SYNPR: variants seen among roughly 807,000 people sequenced by gnomAD.
SYNPR encodes the protein synaptoporin.
In SYNPR, 23 loss-of-function variants were observed where a neutral mutation model predicts 32.9. The ratio of observed to expected loss-of-function variants is 0.70; its 90% confidence interval spans 0.50 to 0.99. The LOEUF is 0.99. Ranked by LOEUF, SYNPR falls within the 50% of genes least tolerant of loss-of-function variation. The pLI is 0.00. For synonymous variants in SYNPR, 146 were observed against 135.9 expected (o/e 1.07, Z -0.52); for missense variants, 318 against 349.3 (o/e 0.91, Z 0.71).
At chr3:63,279,157 A>T (rs1358579864) in intron 2 of SYNPR, among the ~76,000 whole-genome samples, 1 of 152,128 alleles carries the variant, frequency 6.6e-6, no homozygotes, top group Non-Finnish European at 1.5e-5. Flanking sequence ...AGCCGGGAAG[A>T]CTTGGCCAAG....
At chr3:63,523,514 CT>C (rs1253396308) in intron 3 of SYNPR, among the ~76,000 whole-genome samples, 1 of 152,100 alleles carries the variant, frequency 6.6e-6, no homozygotes, top group Non-Finnish European at 1.5e-5. Flanking sequence ...CCCTTTGCCC[CT>C]AATCACCAAA....
At chr3:63,479,048 T>C (rs1221955507) in intron 2 of SYNPR, among the ~76,000 whole-genome samples, 1 of 152,152 alleles carries the variant, frequency 6.6e-6, no homozygotes, top group Non-Finnish European at 1.5e-5. Context: ...GCTTCAGCAT[T>C]CTGTGTCTCA....
chr3:63,252,331 C>T (rs6445331), intron 1 of SYNPR, among the ~76,000 whole-genome samples: 127,352 of 152,132 alleles, frequency 0.84, 53,924 homozygotes, highest in African/African-American at 0.91. Flanking sequence ...AAATATCCTT[C>T]TTGTCTTTAC....
chr3:63,396,047 G>T (rs1002866164), intron 2 of SYNPR, among the ~76,000 whole-genome samples: 1 of 152,074 alleles, frequency 6.6e-6, no homozygotes, highest in Non-Finnish European at 1.5e-5. Context: ...AACCACACAG[G>T]CACAACCAAC....
At chr3:63,494,404 T>C (rs867681094) in intron 3 of SYNPR, among the ~76,000 whole-genome samples, 1 of 102,446 alleles carries the variant, frequency 9.8e-6, no homozygotes, top group Non-Finnish European at 2.0e-5. Context: ...TATATATATA[T>C]ATATATATAT....
chr3:63,595,755 AT>A (rs1559546227), intron 4 of SYNPR, among the ~76,000 whole-genome samples: 5 of 32,276 alleles, frequency 1.5e-4, no homozygotes, highest in South Asian at 1.4e-3. Flanking sequence ...ATATATATAT[AT>A]ATATATATAT....
chr3:63,369,281 C>T (rs2087766710), intron 2 of SYNPR, among the ~76,000 whole-genome samples: 1 of 141,356 alleles, frequency 7.1e-6, no homozygotes, highest in African/African-American at 2.8e-5. Context: ...TCCTGGACTC[C>T]AGCCTCCAGA....
At chr3:63,245,483 T>C (rs2086276735) in intron 1 of SYNPR, among the ~76,000 whole-genome samples, 2 of 152,006 alleles carry the variant, frequency 1.3e-5, no homozygotes, top group Admixed American at 1.3e-4. Context: ...AAATATATTA[T>C]TTTCAGTGGT....
chr3:63,268,368 A>T (rs2086508485), intron 3 of SYNPR, among the ~76,000 whole-genome samples: 1 of 152,188 alleles, frequency 6.6e-6, no homozygotes, highest in East Asian at 1.9e-4. Flanking sequence ...CCCTTGAATA[A>T]CATGTGGGTT....
intron 2 of SYNPR, among the ~76,000 whole-genome samples, chr3:63,367,755 C>A (rs1382008113): frequency 5.3e-5 from 8 of 152,124 alleles, no homozygotes; most frequent in Non-Finnish European, 1.2e-4. Flanking sequence ...AGTGACTTTC[C>A]TGGGAACATA....
At chr3:63,271,109 G>A (rs748030401) in intron 3 of SYNPR, among the ~76,000 whole-genome samples, 4 of 150,470 alleles carry the variant, frequency 2.7e-5, no homozygotes, top group South Asian at 4.2e-4. Flanking sequence ...TATTTCTGGC[G>A]AAGAACCTAT....
intron 2 of SYNPR, among the ~76,000 whole-genome samples, chr3:63,381,159 G>A (rs1445613232): frequency 6.6e-6 from 1 of 152,168 alleles, no homozygotes; most frequent in African/African-American, 2.4e-5. Flanking sequence ...AAACCCCATT[G>A]TCTCAGCCCA....
chr3:63,599,110 G>T (rs1462502028), intron 4 of SYNPR, among the ~76,000 whole-genome samples: 1 of 152,048 alleles, frequency 6.6e-6, no homozygotes, highest in Non-Finnish European at 1.5e-5. Flanking sequence ...TGGATGTTTT[G>T]GTCAGCAATG....
At chr3:63,415,135 T>C (rs1344116018) in intron 2 of SYNPR, among the ~76,000 whole-genome samples, 2 of 152,220 alleles carry the variant, frequency 1.3e-5, no homozygotes, top group Non-Finnish European at 2.9e-5. Context: ...TTTCCTACTT[T>C]TTACTGTTAT....
intron 2 of SYNPR, among the ~76,000 whole-genome samples, chr3:63,287,605 C>A (rs920745676): frequency 6.6e-6 from 1 of 152,202 alleles, no homozygotes; most frequent in Middle Eastern, 3.4e-3. Context: ...CAATCTCCAC[C>A]AAAACACCCA....
At chr3:63,562,150 G>A (rs1702702150) in intron 4 of SYNPR, among the ~76,000 whole-genome samples, 1 of 152,100 alleles carries the variant, frequency 6.6e-6, no homozygotes, top group Non-Finnish European at 1.5e-5. Context: ...ATTTTGTCAT[G>A]TTCCTTATAG....
At chr3:63,487,114 C>A (rs1701170773) in intron 3 of SYNPR, among the ~76,000 whole-genome samples, 1 of 152,120 alleles carries the variant, frequency 6.6e-6, no homozygotes, top group Non-Finnish European at 1.5e-5. Context: ...TATGTCATAA[C>A]CACTGCGTCA....
intron 4 of SYNPR, among the ~76,000 whole-genome samples, chr3:63,596,575 G>T (rs1699963084): frequency 6.6e-6 from 1 of 152,026 alleles, no homozygotes; most frequent in African/African-American, 2.4e-5. Flanking sequence ...AACACAGAGG[G>T]CCCAAGCCTC....
chr3:63,254,902 G>T (rs533708732), intron 2 of SYNPR, among the ~76,000 whole-genome samples: 1 of 152,152 alleles, frequency 6.6e-6, no homozygotes, highest in Non-Finnish European at 1.5e-5. Flanking sequence ...AGGAACAGAG[G>T]GAAGATCATG....
Sources: gnomAD v4.1 joint callset for allele counts (sites outside exome capture counted in the v4.1 genomes callset) on GRCh38, gnomAD v4.1.1 for gene constraint, MANE v1.5 for transcripts, NCBI Gene and HGNC (gene_info 2026-07-23, HGNC 2026-07-21) for gene names.